Variants in DCAF6 observed in about 807,000 individuals in gnomAD.
DCAF6 encodes DDB1 and CUL4 associated factor 6, also known as DDB1- and CUL4-associated factor 6.
In DCAF6, 54 loss-of-function variants were observed where a neutral mutation model predicts 125.1. The ratio of observed to expected loss-of-function variants is 0.43; its 90% confidence interval spans 0.35 to 0.54. DCAF6 has a LOEUF of 0.54. Among genes scored for constraint, DCAF6 ranks in the 20% least tolerant of loss-of-function variants. The pLI, the probability that DCAF6 is intolerant of heterozygous loss-of-function variation, is 0.01. For missense variants in DCAF6, 934 were observed against 1,161.7 expected (o/e 0.80, Z 2.85); for synonymous variants, 371 against 390.4 (o/e 0.95, Z 0.58).
At position 167,997,883 on chromosome 1, in the gene DCAF6, A is replaced by G. The variant is rs987119052; in HGVS notation, c.903+4443A>G. Reference sequence around the variant, plus strand: ...GAGAAGACATATAATAGAAATGGCAATAAGTACATAAGGAGATACTCAACG... The same window carrying G: ...GAGAAGACATATAATAGAAATGGCAGTAAGTACATAAGGAGATACTCAACG... On this transcript the variant is annotated intron_variant, in intron 7 of 21. Coordinates refer to ENST00000367840, the MANE Select transcript of DCAF6 (RefSeq NM_001198956.2). Among the ~76,000 whole-genome samples, 5 of 152,182 alleles carry G rather than the reference A, an allele frequency of 3.3e-5. No homozygotes were observed. The South Asian group carries it at 6.2e-4, about 19-fold the overall frequency.
chr1:168,049,646 ATTTTTTTTTTTTTT>A (rs756012977), intron 16 of DCAF6, among the ~76,000 whole-genome samples: 2 of 90,300 alleles, frequency 2.2e-5, no homozygotes, highest in African/African-American at 5.4e-5. Context: ...TCTGCATATA[ATTTTTTTTTTTTTT>A]TTTTTTTTTT....
chr1:167,905,193 G>A, the DCAF6 span: 8 of 1,601,042 alleles, frequency 5.0e-6, no homozygotes, highest in Middle Eastern at 1.7e-4. Context: ...TCTCCAAATA[G>A]GTCTTCTAAA....
chr1:167,899,366 A>G, the DCAF6 span: 1 of 1,552,660 alleles, frequency 6.4e-7, no homozygotes, highest in Non-Finnish European at 8.9e-7. Flanking sequence ...CTCTTCTGGC[A>G]GGGGGCCTCT....
chr1:167,928,966 T>A, the DCAF6 span, among the ~76,000 whole-genome samples: 2 of 152,248 alleles, frequency 1.3e-5, no homozygotes, highest in African/African-American at 2.4e-5. Context: ...GAAAAAGAAT[T>A]AATACATTTT....
chr1:168,075,442 C>A lies in DCAF6; in HGVS notation c.*7C>A. 4.4e-6 allele frequency: 7 copies of A among 1,589,554 alleles called. No individual in the cohort carries two copies. The highest frequency in any genetic ancestry group is 6.0e-6 in the Non-Finnish European group (7 of 1,172,818). On this transcript the variant is annotated 3_prime_UTR_variant, in exon 22 of 22. Transcript: ENST00000367840. Reference sequence around the variant, plus strand: ...AAATGAGGATGAGGAATAATAAACTCTTTTTGGCAAGCACTTAAATGTTCT... The same window carrying A: ...AAATGAGGATGAGGAATAATAAACTATTTTTGGCAAGCACTTAAATGTTCT...
At chr1:168,009,127 T>C (rs1051724477) in intron 10 of DCAF6, among the ~76,000 whole-genome samples, 2 of 151,180 alleles carry the variant, frequency 1.3e-5, no homozygotes, top group Non-Finnish European at 3.0e-5. Context: ...GCCTCCCAAG[T>C]AGCTGGGACT....
At chr1:167,916,163 T>C in the DCAF6 span, among the ~76,000 whole-genome samples, 1 of 152,244 alleles carries the variant, frequency 6.6e-6, no homozygotes, top group Non-Finnish European at 1.5e-5. Context: ...AACTGATAAC[T>C]AGGCTATGTG....
At chr1:167,893,620 C>T in the DCAF6 span, among the ~76,000 whole-genome samples, 3 of 143,716 alleles carry the variant, frequency 2.1e-5, no homozygotes, top group East Asian at 2.2e-4. Context: ...TGCTTGAACC[C>T]GGGAGGCGGA....
chr1:167,873,472 C>A, the DCAF6 span, among the ~76,000 whole-genome samples: 1 of 152,148 alleles, frequency 6.6e-6, no homozygotes, highest in Admixed American at 6.5e-5. Context: ...ACAGTTAGGA[C>A]CAAGATTTAA....
the DCAF6 span, chr1:167,875,139 G>A: frequency 6.2e-7 from 1 of 1,614,100 alleles, no homozygotes; most frequent in East Asian, 2.2e-5. Context: ...ACCCAGCAAA[G>A]GGTAATCCTC....
At chr1:167,978,231 T>C (rs1283218331) in intron 4 of DCAF6, among the ~76,000 whole-genome samples, 1 of 152,246 alleles carries the variant, frequency 6.6e-6, no homozygotes, top group Non-Finnish European at 1.5e-5. Context: ...TTAGGGTGTA[T>C]ACTTAGCAGT....
intron 7 of DCAF6, among the ~76,000 whole-genome samples, chr1:167,997,801 A>G (rs1173588186): frequency 6.6e-6 from 1 of 152,194 alleles, no homozygotes; most frequent in Non-Finnish European, 1.5e-5. Flanking sequence ...AAAAAGACAA[A>G]TATCCAAACT....
At chr1:168,010,220 A>C (rs1215524611) in intron 10 of DCAF6, among the ~76,000 whole-genome samples, 2 of 152,196 alleles carry the variant, frequency 1.3e-5, no homozygotes, top group African/African-American at 4.8e-5. Flanking sequence ...TTCTGAAGAC[A>C]TTTTAAGGTA....
chr1:167,895,218 T>C, the DCAF6 span, among the ~76,000 whole-genome samples: 227 of 151,044 alleles, frequency 1.5e-3, 1 homozygote, highest in African/African-American at 5.2e-3. Context: ...TGCAGTATTA[T>C]GGTGCTCAAA....
At chr1:167,925,572 A>T in the DCAF6 span, among the ~76,000 whole-genome samples, 1 of 138,818 alleles carries the variant, frequency 7.2e-6, no homozygotes, top group South Asian at 2.3e-4. Context: ...TTTGAGACAG[A>T]GTCTCACTCT....
chr1:167,959,968 C>G (rs1675322039), intron 2 of DCAF6, among the ~76,000 whole-genome samples: 1 of 151,960 alleles, frequency 6.6e-6, no homozygotes. Context: ...CCTATGTTAT[C>G]TTCTCAGAGG....
At chr1:167,967,496 GAA>G (rs1430421358) in intron 3 of DCAF6, among the ~76,000 whole-genome samples, 1 of 152,064 alleles carries the variant, frequency 6.6e-6, no homozygotes, top group Non-Finnish European at 1.5e-5. Context: ...GTAATAAAAA[GAA>G]AGTGTGTGAT....
chr1:167,869,633 A>G, the DCAF6 span, among the ~76,000 whole-genome samples: 5 of 152,136 alleles, frequency 3.3e-5, no homozygotes, highest in African/African-American at 1.2e-4. Context: ...CATTGTATGG[A>G]AGGACATTGT....
chr1:167,968,308 A>G (rs1676754567), intron 3 of DCAF6, among the ~76,000 whole-genome samples: 1 of 152,170 alleles, frequency 6.6e-6, no homozygotes, highest in Non-Finnish European at 1.5e-5. Flanking sequence ...ATGAACCGCC[A>G]CTAACCCTGG....
Sources: gnomAD v4.1 joint callset for allele counts (sites outside exome capture counted in the v4.1 genomes callset) on GRCh38, gnomAD v4.1.1 for gene constraint, MANE v1.5 for transcripts, NCBI Gene and HGNC (gene_info 2026-07-23, HGNC 2026-07-21) for gene names.